CLDND1: variants seen among roughly 807,000 people sequenced by gnomAD.
The protein encoded by CLDND1 is claudin domain-containing protein 1.
A neutral mutation model predicts 26.3 loss-of-function variants in CLDND1; 13 were observed. The observed-to-expected ratio is 0.49, with a 90% CI of 0.32 to 0.78. The LOEUF (loss-of-function observed/expected upper bound fraction) is 0.78, where lower values mean the gene tolerates loss of function less well. Among genes scored for constraint, CLDND1 ranks in the 30% least tolerant of loss-of-function variants. CLDND1 has a pLI of 0.03. For missense variants in CLDND1, 289 were observed against 312.8 expected (o/e 0.92, Z 0.57); for synonymous variants, 107 against 107.0 (o/e 1.00, Z 0.00).
chr3:98,518,982 C>T lies in CLDND1; in HGVS notation c.306G>A (p.Val102=), dbSNP rs1027299961. Reference sequence around the variant, plus strand: ...GTGTGAAACTCACACATTTTGTGACCACATCAAATGACTCTGGAACAAGAA... The same window carrying T: ...GTGTGAAACTCACACATTTTGTGACTACATCAAATGACTCTGGAACAAGAA... The part of the protein sequence containing the change: ...SPPERTESFD[V]VTKCVSFTLT... The change falls in exon 3 of 5, where the codon GTG becomes GTA. Residue 102 remains valine, a synonymous_variant. Transcript: ENST00000341181. 6 of 1,602,872 alleles carry T rather than the reference C, an allele frequency of 3.7e-6. No individual in the cohort carries two copies. Among genetic ancestry groups the T allele is most frequent in the African/African-American group, 1.3e-5 (1 of 74,634 alleles).
At position 98,516,352 on chromosome 3, in the gene CLDND1, A is replaced by G; in HGVS notation, c.*307T>C. ...ACTGAAAAGTCTAACAGACATTAGC[A>G]CAACTTGTTTTCGGTCACATTCCTA... On this transcript the variant is annotated 3_prime_UTR_variant, in exon 5 of 5. Coordinates refer to ENST00000341181, the MANE Select transcript of CLDND1 (RefSeq NM_001040181.2). 8.9e-7 allele frequency: 1 copy of G among 1,118,690 alleles called. No homozygotes were observed. The highest frequency in any genetic ancestry group is 2.8e-5 in the South Asian group (1 of 36,074). 69.3% of individuals were successfully genotyped at this position (1,118,690 alleles called of 1,614,324 possible).
chr3:98,522,594 A>G, intron 1 of CLDND1: 1 of 1,378,134 alleles, frequency 7.3e-7, no homozygotes, highest in Non-Finnish European at 9.3e-7. Flanking sequence ...GGACGCCTGC[A>G]GCAGCCACCT....
chr3:98,521,572 T>C, intron 1 of CLDND1, 130 bp from the exon 2 acceptor site: 1 of 1,502,954 alleles, frequency 6.7e-7, no homozygotes, highest in Non-Finnish European at 9.2e-7. Context: ...TTAAGAATTT[T>C]TTTTAGAAAG....
At chr3:98,521,788 C>A in intron 1 of CLDND1, 2 of 1,171,050 alleles carry the variant, frequency 1.7e-6, no homozygotes. Flanking sequence ...ACCGTGCACA[C>A]ATTTTAAATT....
chr3:98,517,982 A>G lies in CLDND1; in HGVS notation c.404-793T>C, dbSNP rs1706223306. Among the ~76,000 whole-genome samples, 8 of 152,348 alleles carry G rather than the reference A, an allele frequency of 5.3e-5. No homozygotes were observed. The South Asian group carries it at 1.7e-3, about 32-fold the overall frequency. Reference sequence around the variant, plus strand: ...ATGACCTGTCTTATAGGGCTGTTGAAGAATATATATAAAGCACAAAGCAGA... The same window carrying G: ...ATGACCTGTCTTATAGGGCTGTTGAGGAATATATATAAAGCACAAAGCAGA... On this transcript the variant is annotated intron_variant, in intron 3 of 4. Coordinates refer to ENST00000341181, the MANE Select transcript of CLDND1 (RefSeq NM_001040181.2).
chr3:98,521,757 C>T, intron 1 of CLDND1: 1 of 1,459,428 alleles, frequency 6.9e-7, no homozygotes. Context: ...AAACAATAGA[C>T]ATGCCCATGG....
intron 3 of CLDND1, 124 bp downstream of exon 3, chr3:98,518,761 T>TA: frequency 1.5e-6 from 1 of 652,234 alleles, no homozygotes; most frequent in Non-Finnish European, 2.8e-6. Flanking sequence ...TGGATACTGT[T>TA]AGAGATTTTA....
intron 1 of CLDND1, 35 bp from the exon 2 acceptor site, chr3:98,521,477 G>A: frequency 6.4e-7 from 1 of 1,572,624 alleles, no homozygotes; most frequent in South Asian, 1.1e-5. Flanking sequence ...ATAAGTTAGA[G>A]TTTACGGACA....
At position 98,518,934 on chromosome 3, in the gene CLDND1, T is replaced by C; in HGVS notation, c.354A>G (p.Lys118=). 1 of 1,613,978 alleles carries C rather than the reference T, an allele frequency of 6.2e-7. No homozygotes were observed. The highest frequency in any genetic ancestry group is 1.3e-5 in the African/African-American group (1 of 75,058). ...SFTLTEQFME[K]FVDPGNHNSG... ...TATTGTGGTTTCCGGGATCAACAAA[T>C]TTCTCCATGAACTGCTCAGTTAGTG... The change falls in exon 3 of 5, where the codon AAA becomes AAG. Residue 118 remains lysine, a synonymous_variant. Transcript: ENST00000341181.
rs141965800 is a variant in CLDND1 at position 98,522,812 on chromosome 3, C to A, written c.-19+37G>T. On this transcript the variant is annotated intron_variant, in intron 1 of 4. Transcript: ENST00000341181. ...CCGCCGGGAACATGGAACCGCGACG[C>A]GACCCCTGCCCGGCGACGCAGGTCC... 2.0e-3 allele frequency: 3,210 copies of A among 1,613,624 alleles called. 43 individuals carry two copies. In the African/African-American group the frequency reaches 0.037, roughly 19 times the overall value.
chr3:98,518,662 A>G, intron 3 of CLDND1: 1 of 527,986 alleles, frequency 1.9e-6, no homozygotes, highest in Non-Finnish European at 3.4e-6. Flanking sequence ...CCATCATCCA[A>G]TGAAGTAGTT....
chr3:98,515,975 G>T lies in CLDND1; in HGVS notation c.*684C>A, dbSNP rs139437845. 4 of 1,200,376 alleles carry T rather than the reference G, an allele frequency of 3.3e-6. 1 individual carries two copies. The Admixed American group carries it at 1.3e-4, about 39-fold the overall frequency. 74.4% of individuals were successfully genotyped at this position (1,200,376 alleles called of 1,614,324 possible). On this transcript the variant is annotated 3_prime_UTR_variant, in exon 5 of 5. Coordinates refer to ENST00000341181, the MANE Select transcript of CLDND1 (RefSeq NM_001040181.2). ...AATTTGGTGGTACTGAAAATCTTAC[G>T]GAGAGTTAAAAATAATACTAATCCT... is the stretch of plus-strand genomic sequence containing the variant.
intron 1 of CLDND1, 78 bp from the exon 2 acceptor site, chr3:98,521,520 G>T: frequency 6.7e-7 from 1 of 1,492,984 alleles, no homozygotes; most frequent in Non-Finnish European, 9.2e-7. Flanking sequence ...TATTCCAAAT[G>T]CACCCTTTAC....
At position 98,517,112 on chromosome 3, in the gene CLDND1, C is replaced by T; in HGVS notation, c.481G>A (p.Ala161Thr). The T allele has an allele frequency of 6.2e-7, 1 of 1,614,120 alleles. No individual in the cohort carries two copies. The highest frequency in any genetic ancestry group is 8.5e-7 in the Non-Finnish European group (1 of 1,180,012). Residue 161 changes from alanine to threonine, a missense_variant, in exon 4 of 5, where the codon GCT (alanine) becomes ACT (threonine). Coordinates refer to ENST00000341181, the MANE Select transcript of CLDND1 (RefSeq NM_001040181.2). ...MCFGALIGLC[A>T]CICRSLYPTI... The stretch of plus-strand genomic sequence containing the variant: ...GGATATAAGCTTCGGCAAATGCAAG[C>T]ACAAAGTCCGATCAAAGCCCCAAAG...
chr3:98,522,569 C>G, intron 1 of CLDND1: 1 of 1,362,750 alleles, frequency 7.3e-7, no homozygotes, highest in Non-Finnish European at 9.4e-7. Context: ...CTGGGAACGG[C>G]GGTTCGTCCA....
At chr3:98,517,494 C>T in intron 3 of CLDND1, 2 of 280,614 alleles carry the variant, frequency 7.1e-6, no homozygotes, top group Non-Finnish European at 1.3e-5. Flanking sequence ...GTCAGCCCTC[C>T]ATATCTGCAG....
intron 3 of CLDND1, 101 bp from the exon 4 acceptor site, chr3:98,517,290 A>G (rs1478969293): frequency 1.5e-6 from 2 of 1,352,714 alleles, no homozygotes; most frequent in African/African-American, 3.0e-5. Context: ...TTTTCTCAAA[A>G]AGTGTGAAAG....
At position 98,518,740 on chromosome 3, in the gene CLDND1, A is replaced by C. The variant is rs1706266080; in HGVS notation, c.403+145T>G. The C allele has an allele frequency of 6.6e-6, 4 of 606,668 alleles. No homozygotes were observed. In the African/African-American group the frequency reaches 7.5e-5, roughly 11 times the overall value. The allele number at this position is 606,668 out of a possible 1,614,324, so 37.6% of individuals were successfully genotyped here. On this transcript the variant is annotated intron_variant, in intron 3 of 4. Transcript: ENST00000341181. ...ATCTACCTTCTAAAATATCAACAGA[A>C]TAGAGTTCACTGGATACTGTTAGAG...
At position 98,516,837 on chromosome 3, in the gene CLDND1, A is replaced by T. The variant is rs147071610; in HGVS notation, c.584T>A (p.Ile195Asn). ...LGSVSCYVAG[I>N]ELLHQKLELP... ...CTCTAGTTTCTGGTGGAGTAGTTCA[A>T]TTCCAGCAACATAACAACTTACTGA... Residue 195 changes from isoleucine to asparagine, a missense_variant, in exon 5 of 5, where the codon ATT (isoleucine) becomes AAT (asparagine). Ile to Asn is a moderately radical substitution (Grantham distance 149). Coordinates refer to ENST00000341181, the MANE Select transcript of CLDND1 (RefSeq NM_001040181.2). 26 of 1,614,112 alleles carry T rather than the reference A, an allele frequency of 1.6e-5. No homozygotes were observed. The South Asian group carries it at 2.9e-4, about 18-fold the overall frequency.
Sources: allele counts gnomAD v4.1 joint callset (sites outside exome capture counted in the v4.1 genomes callset), GRCh38; gene constraint gnomAD v4.1.1; transcripts MANE v1.5; gene names NCBI Gene and HGNC (gene_info 2026-07-23, HGNC 2026-07-21).